The following ITGA1 variants were observed in gnomAD, a reference collection of about 807,000 sequenced individuals.
ITGA1 encodes integrin alpha-1.
ITGA1 carries 85 observed loss-of-function variants against 145.9 expected under a neutral mutation model. The observed-to-expected ratio is 0.58, with a 90% CI of 0.49 to 0.70. ITGA1 has a LOEUF of 0.70. Ranked by LOEUF, ITGA1 falls within the 30% of genes least tolerant of loss-of-function variation. The probability of loss-of-function intolerance (pLI) is 0.00; values close to 1 mark genes in which losing one functional copy is unlikely to be tolerated. For synonymous variants in ITGA1, 520 were observed against 495.3 expected (o/e 1.05, Z -0.66); for missense variants, 1,351 against 1,418.7 (o/e 0.95, Z 0.77).
intron 13 of ITGA1, 57 bp downstream of exon 13, chr5:52,909,098 T>C (rs1750458380): frequency 6.5e-7 from 1 of 1,541,872 alleles, no homozygotes; most frequent in East Asian, 2.3e-5. Context: ...CTCTTCATTT[T>C]TTAATAATAA....
intron 7 of ITGA1, among the ~76,000 whole-genome samples, chr5:52,885,265 C>A (rs141074836): frequency 1.3e-5 from 2 of 152,196 alleles, no homozygotes; most frequent in Non-Finnish European, 2.9e-5. Context: ...ATTCTCTAGC[C>A]CCTCAATCTT....
intron 1 of ITGA1, among the ~76,000 whole-genome samples, chr5:52,814,513 G>T (rs1418040172): frequency 1.3e-5 from 2 of 152,068 alleles, no homozygotes; most frequent in Non-Finnish European, 1.5e-5. Context: ...TCCCTTTCAG[G>T]CTTCATATCT....
At chr5:52,932,361 T>C (rs903905525) in intron 22 of ITGA1, 4 of 419,166 alleles carry the variant, frequency 9.5e-6, no homozygotes, top group Non-Finnish European at 1.7e-5. Flanking sequence ...TTATACTAAA[T>C]AACCCAAAGT....
intron 1 of ITGA1, among the ~76,000 whole-genome samples, chr5:52,814,969 T>G (rs1005523440): frequency 2.6e-5 from 4 of 152,142 alleles, no homozygotes; most frequent in African/African-American, 9.7e-5. Context: ...TTAGCTGACA[T>G]TTGGTTCTAG....
chr5:52,801,129 A>G (rs770280664), intron 1 of ITGA1: 72 of 1,586,392 alleles, frequency 4.5e-5, no homozygotes, highest in African/African-American at 9.4e-5. Context: ...AGGTAAAACA[A>G]TCTTACCCAG....
At chr5:52,846,590 T>G (rs1749341868) in intron 1 of ITGA1, among the ~76,000 whole-genome samples, 1 of 152,200 alleles carries the variant, frequency 6.6e-6, no homozygotes. Context: ...AAAACTGTCT[T>G]CAAATATGTG....
At chr5:52,851,805 T>C (rs183698961) in intron 2 of ITGA1, among the ~76,000 whole-genome samples, 1 of 152,348 alleles carries the variant, frequency 6.6e-6, no homozygotes, top group African/African-American at 2.4e-5. Context: ...GTTAGGTTTT[T>C]TTTATTTAGC....
intron 8 of ITGA1, among the ~76,000 whole-genome samples, chr5:52,891,192 G>T (rs575437170): frequency 6.7e-4 from 102 of 151,658 alleles, no homozygotes; most frequent in African/African-American, 2.4e-3. Context: ...AATAAACAGG[G>T]GAGTGCAGAT....
At chr5:52,900,924 A>G (rs961745599) in intron 11 of ITGA1, among the ~76,000 whole-genome samples, 1 of 152,082 alleles carries the variant, frequency 6.6e-6, no homozygotes, top group Non-Finnish European at 1.5e-5. Context: ...TTATTGTGTA[A>G]TGTTATATAA....
chr5:52,883,220 C>T lies in ITGA1; in HGVS notation c.773+1199C>T, dbSNP rs142029692. 6.2e-3 allele frequency among the ~76,000 whole-genome samples: 948 copies of T among 152,284 alleles called. 5 individuals are homozygous for T. The highest frequency in any genetic ancestry group is 8.0e-3 in the Non-Finnish European group (546 of 68,010). On this transcript the variant is annotated intron_variant, in intron 7 of 28. Transcript: ENST00000282588. ...AATCAATTAAATGTGACTGCACATT[C>T]GAAGTAAGTCAAAGTGTTCTTTGAA...
chr5:52,788,139 C>A lies in ITGA1; in HGVS notation c.-215C>A. 1 of 434,922 alleles carries A rather than the reference C, an allele frequency of 2.3e-6. No homozygotes were observed. Among genetic ancestry groups the A allele is most frequent in the South Asian group, 4.6e-5 (1 of 21,634 alleles). 26.9% of individuals were successfully genotyped at this position (434,922 alleles called of 1,614,324 possible). ...GCGAAGGGGCGGGCGATGTGGCAAT[C>A]CGTCTGGGATGTGAAAAGCGTGGAG... On this transcript the variant is annotated 5_prime_UTR_variant, in exon 1 of 29. Coordinates refer to ENST00000282588, the MANE Select transcript of ITGA1 (RefSeq NM_181501.2).
At chr5:52,823,813 T>G (rs973178513) in intron 1 of ITGA1, among the ~76,000 whole-genome samples, 9 of 152,226 alleles carry the variant, frequency 5.9e-5, no homozygotes, top group African/African-American at 2.2e-4. Flanking sequence ...GGAAAGTGCT[T>G]TCAGCATTTC....
At chr5:52,855,980 C>A (rs369073563) in intron 2 of ITGA1, among the ~76,000 whole-genome samples, 1 of 152,176 alleles carries the variant, frequency 6.6e-6, no homozygotes, top group Non-Finnish European at 1.5e-5. Flanking sequence ...TCTAAGTTCT[C>A]ACTCCGCAAT....
At chr5:52,823,469 G>T (rs1748911181) in intron 1 of ITGA1, among the ~76,000 whole-genome samples, 1 of 152,200 alleles carries the variant, frequency 6.6e-6, no homozygotes, top group South Asian at 2.1e-4. Flanking sequence ...GTCTCCCAAA[G>T]TGCTGGGATT....
At chr5:52,855,445 A>C (rs1749498118) in intron 2 of ITGA1, among the ~76,000 whole-genome samples, 1 of 152,168 alleles carries the variant, frequency 6.6e-6, no homozygotes, top group African/African-American at 2.4e-5. Flanking sequence ...CACAGTCGTT[A>C]ATTCATTCAT....
intron 11 of ITGA1, 110 bp downstream of exon 11, chr5:52,898,493 C>A: frequency 2.0e-6 from 2 of 1,019,840 alleles, no homozygotes; most frequent in Non-Finnish European, 2.8e-6. Flanking sequence ...AGGATTATTT[C>A]AACAAGTTGG....
At position 52,937,432 on chromosome 5, in the gene ITGA1, AGCTTAAGCT is replaced by A; in HGVS notation, c.2998_3006del (p.Leu1000_Leu1002del). 6.2e-7 allele frequency: 1 copy of A among 1,613,272 alleles called. No individual in the cohort carries two copies. The highest frequency in any genetic ancestry group is 8.5e-7 in the Non-Finnish European group (1 of 1,179,318). Reference sequence around the variant, plus strand: ...AAAAGTGGATCTTTTCCAATGCCAGAGCTTAAGCTGTCAATTTCATTCCCCAATATGACA... The same window carrying A: ...AAAAGTGGATCTTTTCCAATGCCAGAGTCAATTTCATTCCCCAATATGACA... On this transcript the variant is annotated inframe_deletion, in exon 24 of 29. Transcript: ENST00000282588.
chr5:52,830,988 G>A (rs1466091157), intron 1 of ITGA1, among the ~76,000 whole-genome samples: 1 of 152,172 alleles, frequency 6.6e-6, no homozygotes, highest in East Asian at 1.9e-4. Flanking sequence ...GAAAGTCAGT[G>A]TGAGTCCTGC....
intron 1 of ITGA1, among the ~76,000 whole-genome samples, chr5:52,843,285 C>A (rs1449498863): frequency 6.6e-6 from 1 of 152,034 alleles, no homozygotes; most frequent in Non-Finnish European, 1.5e-5. Context: ...TCTATGATTT[C>A]TCCTATTTCT....
Sources: allele counts gnomAD v4.1 joint callset (sites outside exome capture counted in the v4.1 genomes callset), GRCh38; gene constraint gnomAD v4.1.1; transcripts MANE v1.5; gene names NCBI Gene and HGNC (gene_info 2026-07-23, HGNC 2026-07-21).